GALNT17: variants seen among roughly 807,000 people sequenced by gnomAD.
GALNT17 encodes the protein UDP-GalNAc:polypeptide N-acetylgalactosaminyltransferase-like 3.
GALNT17 carries 29 observed loss-of-function variants against 63.7 expected under a neutral mutation model. That is an observed-to-expected ratio of 0.46 (90% confidence interval 0.34 to 0.62). The LOEUF is 0.62. Ranked by LOEUF, GALNT17 falls within the 20% of genes least tolerant of loss-of-function variation. GALNT17 has a pLI of 0.01. For synonymous variants in GALNT17, 305 were observed against 318.3 expected, an observed-to-expected ratio of 0.96 and a Z score of 0.45; for missense variants, 603 against 799.6, an observed-to-expected ratio of 0.75 and a Z score of 2.97.
chr7:71,216,737 GAC>G (rs1344631930), intron 1 of GALNT17, among the ~76,000 whole-genome samples: 1 of 150,980 alleles, frequency 6.6e-6, no homozygotes. Context: ...TATATACACA[GAC>G]ACACAAATGC....
intron 7 of GALNT17, among the ~76,000 whole-genome samples, chr7:71,669,686 T>C (rs906779030): frequency 1.4e-4 from 21 of 151,394 alleles, no homozygotes; most frequent in African/African-American, 5.1e-4. Context: ...CTCAGCCTCC[T>C]GAGTAGCTGA....
At chr7:71,410,673 G>A (rs954043598) in intron 3 of GALNT17, among the ~76,000 whole-genome samples, 2 of 152,194 alleles carry the variant, frequency 1.3e-5, no homozygotes, top group Non-Finnish European at 2.9e-5. Context: ...TGAAAGTGCG[G>A]GATTGAGACA....
intron 2 of GALNT17, among the ~76,000 whole-genome samples, chr7:71,387,302 T>TA (rs1792963703): frequency 6.6e-6 from 1 of 150,532 alleles, no homozygotes; most frequent in Admixed American, 6.6e-5. Context: ...ACCAACCTAA[T>TA]ACATCAGTTC....
chr7:71,460,345 T>C (rs1787431630), intron 5 of GALNT17, among the ~76,000 whole-genome samples: 1 of 152,176 alleles, frequency 6.6e-6, no homozygotes, highest in South Asian at 2.1e-4. Flanking sequence ...AAATTTTTGG[T>C]GAAAAACGAT....
At chr7:71,157,779 C>T (rs1340150344) in intron 1 of GALNT17, among the ~76,000 whole-genome samples, 1 of 151,824 alleles carries the variant, frequency 6.6e-6, no homozygotes, top group Non-Finnish European at 1.5e-5. Flanking sequence ...ATTCCTCCCT[C>T]CCTTTTTCCC....
At chr7:71,169,499 C>T (rs534499963) in intron 1 of GALNT17, among the ~76,000 whole-genome samples, 9 of 152,206 alleles carry the variant, frequency 5.9e-5, no homozygotes, top group Admixed American at 3.9e-4. Flanking sequence ...CGTCTTGGTT[C>T]GATGTGGAAG....
At chr7:71,203,581 C>T (rs1701361526) in intron 1 of GALNT17, among the ~76,000 whole-genome samples, 1 of 152,194 alleles carries the variant, frequency 6.6e-6, no homozygotes, top group African/African-American at 2.4e-5. Context: ...GCTGTTCACA[C>T]ATGGCTATAA....
chr7:71,201,499 G>T (rs1275343969), intron 1 of GALNT17, among the ~76,000 whole-genome samples: 1 of 151,468 alleles, frequency 6.6e-6, no homozygotes, highest in African/African-American at 2.4e-5. Context: ...TATTTGATTT[G>T]TGATATTTAG....
At chr7:71,413,496 G>T (rs927506515) in intron 3 of GALNT17, among the ~76,000 whole-genome samples, 10 of 151,900 alleles carry the variant, frequency 6.6e-5, no homozygotes, top group African/African-American at 2.4e-4. Context: ...CTCCCGAGTA[G>T]CTGGGATTAC....
chr7:71,512,296 G>A (rs1468598949), intron 5 of GALNT17, among the ~76,000 whole-genome samples: 1 of 152,060 alleles, frequency 6.6e-6, no homozygotes, highest in African/African-American at 2.4e-5. Context: ...ATGAGCCACT[G>A]TGCCCGGCCC....
chr7:71,475,741 G>A (rs892011761), intron 5 of GALNT17, among the ~76,000 whole-genome samples: 13 of 152,124 alleles, frequency 8.5e-5, no homozygotes, highest in South Asian at 2.1e-4. Context: ...CTACAAAGTC[G>A]CAAAGAGCTT....
chr7:71,456,003 T>G (rs1230455497), intron 5 of GALNT17, among the ~76,000 whole-genome samples: 1 of 152,112 alleles, frequency 6.6e-6, no homozygotes, highest in East Asian at 1.9e-4. Flanking sequence ...CCCAGCACTT[T>G]GGGAGGCTGA....
intron 5 of GALNT17, among the ~76,000 whole-genome samples, chr7:71,507,730 G>A (rs1788290509): frequency 6.6e-6 from 1 of 152,234 alleles, no homozygotes; most frequent in Non-Finnish European, 1.5e-5. Context: ...TCAGGTAAAA[G>A]AGTGATCTAG....
chr7:71,263,385 C>T (rs1282964468), intron 1 of GALNT17, among the ~76,000 whole-genome samples: 1 of 152,020 alleles, frequency 6.6e-6, no homozygotes, highest in Non-Finnish European at 1.5e-5. Context: ...AAACAAGAAG[C>T]AATCTTGCAG....
At chr7:71,438,392 C>G (rs1787005367) in intron 5 of GALNT17, among the ~76,000 whole-genome samples, 1 of 152,146 alleles carries the variant, frequency 6.6e-6, no homozygotes, top group Non-Finnish European at 1.5e-5. Context: ...TTAGTGCCCA[C>G]CCAGATTAAG....
intron 5 of GALNT17, among the ~76,000 whole-genome samples, chr7:71,492,152 G>C (rs550013207): frequency 6.6e-6 from 1 of 152,146 alleles, no homozygotes; most frequent in Non-Finnish European, 1.5e-5. Context: ...GGTGGCACAT[G>C]CCTGTAATCC....
intron 5 of GALNT17, among the ~76,000 whole-genome samples, chr7:71,534,538 G>T (rs1468321505): frequency 6.8e-6 from 1 of 147,558 alleles, no homozygotes; most frequent in East Asian, 2.0e-4. Context: ...GGCAGAATTT[G>T]CAGTGAGCCA....
intron 6 of GALNT17, among the ~76,000 whole-genome samples, chr7:71,577,289 G>T (rs957680810): frequency 2.6e-5 from 4 of 152,258 alleles, no homozygotes; most frequent in Middle Eastern, 3.4e-3. Context: ...TGATGGCATC[G>T]GTTGTTCCTC....
chr7:71,524,041 C>T (rs375576060), intron 5 of GALNT17, among the ~76,000 whole-genome samples: 4 of 150,844 alleles, frequency 2.7e-5, no homozygotes, highest in South Asian at 4.2e-4. Context: ...TCGCTTGAAC[C>T]CAGGAGTCAG....
Sources: gnomAD v4.1 joint callset for allele counts (sites outside exome capture counted in the v4.1 genomes callset) on GRCh38, gnomAD v4.1.1 for gene constraint, MANE v1.5 for transcripts, NCBI Gene and HGNC (gene_info 2026-07-23, HGNC 2026-07-21) for gene names.